Variants in TNPO3 observed in about 807,000 individuals in gnomAD.
TNPO3 encodes transportin 3.
TNPO3 carries 65 observed loss-of-function variants against 122.8 expected under a neutral mutation model. The ratio of observed to expected loss-of-function variants is 0.53; its 90% CI spans 0.43 to 0.65. The LOEUF (loss-of-function observed/expected upper bound fraction) is 0.65, where lower values mean the gene tolerates loss of function less well. Among genes scored for constraint, TNPO3 ranks in the 30% least tolerant of loss-of-function variants. The pLI, the probability that TNPO3 is intolerant of heterozygous loss-of-function variation, is 0.00. For missense variants in TNPO3, 850 were observed against 1,136.7 expected (o/e 0.75, Z 3.63); for synonymous variants, 372 against 411.2 (o/e 0.90, Z 1.15).
intron 1 of TNPO3, among the ~76,000 whole-genome samples, chr7:129,033,401 A>G (rs1806175122): frequency 6.6e-6 from 1 of 152,172 alleles, no homozygotes; most frequent in Admixed American, 6.6e-5. Flanking sequence ...CTCACACCCA[A>G]TAGAATGACC....
intron 16 of TNPO3, among the ~76,000 whole-genome samples, chr7:128,978,215 T>A (rs966427979): frequency 6.6e-6 from 1 of 152,386 alleles, no homozygotes; most frequent in African/African-American, 2.4e-5. Context: ...TAGATGAGAA[T>A]ATGATTTTAG....
chr7:129,035,357 C>T (rs1311327325), intron 1 of TNPO3, among the ~76,000 whole-genome samples: 1 of 152,162 alleles, frequency 6.6e-6, no homozygotes, highest in Non-Finnish European at 1.5e-5. Context: ...AATCCTAGCA[C>T]TTTGGGAGGC....
rs772582489 is a variant in TNPO3, at chr7:129,016,964, G to A, written c.395+19C>T. 12 of 1,610,982 alleles carry A rather than the reference G, an allele frequency of 7.4e-6. No individual in the cohort carries two copies. The highest frequency in any genetic ancestry group is 9.3e-6 in the Non-Finnish European group (11 of 1,178,276). On this transcript the variant is annotated intron_variant, in intron 3 of 22. Transcript: ENST00000265388. ...TGGCAATTCCAAATGCTAATATAGA[G>A]TCAATACAAATTACTTACTTTTCCA...
intron 1 of TNPO3, among the ~76,000 whole-genome samples, chr7:129,052,433 A>G (rs1472742894): frequency 6.6e-6 from 1 of 152,214 alleles, no homozygotes; most frequent in African/African-American, 2.4e-5. Flanking sequence ...ATTTCTTGTC[A>G]CACCACTATA....
intron 4 of TNPO3, among the ~76,000 whole-genome samples, chr7:129,012,450 ACTCCAAAATG>A (rs964529443): frequency 1.3e-5 from 2 of 152,130 alleles, no homozygotes; most frequent in African/African-American, 2.4e-5. Flanking sequence ...CTAATCCAAA[ACTCCAAAATG>A]CTCCAAAATC....
intron 5 of TNPO3, among the ~76,000 whole-genome samples, chr7:129,004,718 C>T (rs1802380292): frequency 6.6e-6 from 1 of 152,238 alleles, no homozygotes; most frequent in Admixed American, 6.5e-5. Context: ...TATTGAAATA[C>T]ATAATTTTAT....
rs35430377 is a variant in TNPO3 at position 128,967,739 on chromosome 7, AACAC to A, written c.2599-351_2599-348del. Among the ~76,000 whole-genome samples, 388 of 148,394 alleles carry A rather than the reference AACAC, an allele frequency of 2.6e-3. 10 individuals carry two copies. In the East Asian group the frequency reaches 0.046, roughly 17 times the overall value. ...ATACATATGCACACATGCGAACATG[AACAC>A]ACACACACACACACACACACACTCG... On this transcript the variant is annotated intron_variant, in intron 20 of 22. Coordinates refer to ENST00000265388, the MANE Select transcript of TNPO3 (RefSeq NM_012470.4).
intron 14 of TNPO3, among the ~76,000 whole-genome samples, chr7:128,981,223 A>AT (rs1799592627): frequency 6.6e-6 from 1 of 152,248 alleles, no homozygotes; most frequent in African/African-American, 2.4e-5. Flanking sequence ...TCTGTTGACA[A>AT]TAACTAGTAA....
At chr7:129,025,613 A>G (rs914843572) in intron 1 of TNPO3, among the ~76,000 whole-genome samples, 16 of 151,970 alleles carry the variant, frequency 1.1e-4, no homozygotes, top group Non-Finnish European at 1.8e-4. Context: ...GGGTCTCACT[A>G]TGTTATCCAG....
intron 1 of TNPO3, among the ~76,000 whole-genome samples, chr7:129,028,107 A>G: frequency 6.6e-6 from 1 of 152,356 alleles, no homozygotes; most frequent in East Asian, 1.9e-4. Context: ...AAGGGAAATC[A>G]GAAAACATCT....
chr7:129,051,844 A>G (rs1441244481), intron 1 of TNPO3, among the ~76,000 whole-genome samples: 1 of 152,020 alleles, frequency 6.6e-6, no homozygotes, highest in Non-Finnish European at 1.5e-5. Flanking sequence ...GGTTTTCACC[A>G]TGTTGGCCAG....
chr7:128,974,680 G>A (rs1178950405), intron 18 of TNPO3, among the ~76,000 whole-genome samples, 188 bp downstream of exon 18: 1 of 152,096 alleles, frequency 6.6e-6, no homozygotes, highest in Non-Finnish European at 1.5e-5. Flanking sequence ...TTTATCCCTT[G>A]CTTCCCGCAA....
chr7:129,017,302 A>G (rs1362389779), intron 2 of TNPO3, among the ~76,000 whole-genome samples: 1 of 152,228 alleles, frequency 6.6e-6, no homozygotes, highest in Non-Finnish European at 1.5e-5. Flanking sequence ...AAGAAGTCAG[A>G]AACAACAGAC....
At chr7:129,009,127 A>C (rs1193281139) in intron 4 of TNPO3, among the ~76,000 whole-genome samples, 1 of 152,234 alleles carries the variant, frequency 6.6e-6, no homozygotes, top group Non-Finnish European at 1.5e-5. Context: ...CACCAGTAAA[A>C]AGATAGCAGG....
At chr7:129,053,381 G>A (rs1291480171) in intron 1 of TNPO3, among the ~76,000 whole-genome samples, 4 of 150,382 alleles carry the variant, frequency 2.7e-5, no homozygotes, top group African/African-American at 9.8e-5. Context: ...TGTAATCCCA[G>A]CTACTCGGGA....
chr7:129,015,168 A>G, intron 3 of TNPO3, 33 bp from the exon 4 acceptor site: 1 of 1,595,458 alleles, frequency 6.3e-7, no homozygotes, highest in Admixed American at 1.9e-5. Context: ...TATGTTATTT[A>G]TAGCCAGAAA....
At chr7:129,043,090 G>A (rs1325829030) in intron 1 of TNPO3, among the ~76,000 whole-genome samples, 5 of 151,954 alleles carry the variant, frequency 3.3e-5, no homozygotes, top group African/African-American at 7.3e-5. Context: ...AAAGATATTC[G>A]TAGCTAAAAA....
At chr7:128,989,342 G>A (rs1800510968) in intron 11 of TNPO3, among the ~76,000 whole-genome samples, 1 of 152,126 alleles carries the variant, frequency 6.6e-6, no homozygotes, top group South Asian at 2.1e-4. Context: ...TTAAATGTCA[G>A]GGCTTGATAT....
At position 128,972,462 on chromosome 7, in the gene TNPO3, A is replaced by G; in HGVS notation, c.2394T>C (p.Phe798=). 6.2e-7 allele frequency: 1 copy of G among 1,613,806 alleles called. No individual in the cohort carries two copies. The highest frequency in any genetic ancestry group is 8.5e-7 in the Non-Finnish European group (1 of 1,179,816). ...HRDANCSVMR[F]LRDLIHTGVA... ...CCCCTGTATGAATGAGGTCTCGTAG[A>G]AACCTCATGACACTACAATTGGCAT... Residue 798 remains phenylalanine, a synonymous_variant, in exon 19 of 23, where the codon TTT becomes TTC. Transcript: ENST00000265388.
Sources: gnomAD v4.1 joint callset for allele counts (sites outside exome capture counted in the v4.1 genomes callset) on GRCh38, gnomAD v4.1.1 for gene constraint, MANE v1.5 for transcripts, NCBI Gene and HGNC (gene_info 2026-07-23, HGNC 2026-07-21) for gene names.